RPS6KA5: variants seen among roughly 807,000 people sequenced by gnomAD.
The protein encoded by RPS6KA5 is ribosomal protein S6 kinase alpha-5.
In RPS6KA5, 27 loss-of-function variants were observed where a neutral mutation model predicts 85.5. That is an observed-to-expected ratio of 0.32 (90% CI 0.23 to 0.44). The LOEUF (loss-of-function observed/expected upper bound fraction) is 0.44. Among genes scored for constraint, RPS6KA5 ranks in the 20% least tolerant of loss-of-function variants. RPS6KA5 has a pLI of 1.00. For synonymous variants in RPS6KA5, 334 were observed against 348.2 expected, an observed-to-expected ratio of 0.96 and a Z score of 0.46; for missense variants, 811 against 980.9, an observed-to-expected ratio of 0.83 and a Z score of 2.31.
At chr14:91,021,675 A>C (rs1300102842) in intron 1 of RPS6KA5, among the ~76,000 whole-genome samples, 1 of 152,094 alleles carries the variant, frequency 6.6e-6, no homozygotes, top group Non-Finnish European at 1.5e-5. Flanking sequence ...AGCCTCCCAA[A>C]GTGCTGGGAT....
rs546431309 is a variant in RPS6KA5 at position 90,886,600 on chromosome 14, C to T, written c.1836+3887G>A. On this transcript the variant is annotated intron_variant, in intron 14 of 16. Coordinates refer to ENST00000614987, the MANE Select transcript of RPS6KA5 (RefSeq NM_004755.4). ...GTGCAGACCAAGGAAAGGCTGTGTG[C>T]GGACACAACAAGCAGGTGGCCATCT... is the stretch of plus-strand genomic sequence containing the variant. 8.8e-4 allele frequency among the ~76,000 whole-genome samples: 134 copies of T among 152,260 alleles called. 1 individual carries two copies. Among genetic ancestry groups the T allele is most frequent in the African/African-American group, 3.1e-3 (129 of 41,546 alleles).
intron 14 of RPS6KA5, among the ~76,000 whole-genome samples, chr14:90,879,553 A>C (rs546891620): frequency 6.6e-6 from 1 of 152,248 alleles, no homozygotes; most frequent in African/African-American, 2.4e-5. Flanking sequence ...ACCCACTTAG[A>C]GAACTCATGC....
chr14:90,986,407 G>C (rs1185670680), intron 2 of RPS6KA5, among the ~76,000 whole-genome samples: 1 of 151,542 alleles, frequency 6.6e-6, no homozygotes. Flanking sequence ...GCCTCCAGGT[G>C]TGCTTATTTC....
At position 90,947,446 on chromosome 14, in the gene RPS6KA5, G is replaced by A. The variant is rs2037930968; in HGVS notation, c.499C>T (p.His167Tyr). Reference sequence around the variant, plus strand: ...ATGAAGAGTCTTACCTTGTGGAGATGTTCGAGGGCAAGCACAATCTCTCCA... The same window carrying A: ...ATGAAGAGTCTTACCTTGTGGAGATATTCGAGGGCAAGCACAATCTCTCCA... ...YVGEIVLALE[H>Y]LHKLGIIYRD... Residue 167 changes from histidine (H) to tyrosine (Y), a missense_variant, in exon 4 of 17, where the codon CAT becomes TAT. Around this residue, in one of 3 missense-constraint regions of RPS6KA5, gnomAD observed 650 missense variants for 793.4 expected, o/e 0.82. Coordinates refer to ENST00000614987, the MANE Select transcript of RPS6KA5 (RefSeq NM_004755.4). 2 of 1,597,992 alleles carry A rather than the reference G, an allele frequency of 1.3e-6. No individual in the cohort carries two copies. The highest frequency in any genetic ancestry group is 1.7e-6 in the Non-Finnish European group (2 of 1,165,518).
chr14:90,929,774 C>CG (rs901097157), intron 5 of RPS6KA5, among the ~76,000 whole-genome samples: 12 of 151,818 alleles, frequency 7.9e-5, no homozygotes, highest in Admixed American at 1.3e-4. Flanking sequence ...AGAGGGAGGA[C>CG]GAAGGTCGGG....
chr14:91,026,751 G>A (rs1595502483), intron 1 of RPS6KA5, among the ~76,000 whole-genome samples: 1 of 152,180 alleles, frequency 6.6e-6, no homozygotes, highest in Admixed American at 6.5e-5. Context: ...CATCAATAGT[G>A]TGTAAGTGTT....
At chr14:91,002,986 C>T (rs751870322) in intron 1 of RPS6KA5, among the ~76,000 whole-genome samples, 24 of 152,190 alleles carry the variant, frequency 1.6e-4, no homozygotes, top group African/African-American at 4.8e-4. Context: ...CTAAAATAAA[C>T]GATGGCTTAT....
intron 9 of RPS6KA5, 63 bp downstream of exon 9, chr14:90,902,743 GAA>G: frequency 6.9e-7 from 1 of 1,455,916 alleles, no homozygotes; most frequent in Non-Finnish European, 9.3e-7. Context: ...TTCAATATGG[GAA>G]ATTTAATCTT....
intron 1 of RPS6KA5, among the ~76,000 whole-genome samples, chr14:91,056,477 A>G (rs1297360128): frequency 1.3e-5 from 2 of 152,188 alleles, no homozygotes; most frequent in African/African-American, 4.8e-5. Context: ...CTTGCAGTCT[A>G]TCAACAGCAT....
chr14:90,898,215 T>C (rs1595155838), intron 12 of RPS6KA5, among the ~76,000 whole-genome samples: 1 of 152,338 alleles, frequency 6.6e-6, no homozygotes, highest in Admixed American at 6.5e-5. Context: ...GTTACTTAAC[T>C]TCTATGAGTG....
chr14:90,868,595 C>A lies in RPS6KA5; in HGVS notation c.*3479G>T, dbSNP rs574757523. On this transcript the variant is annotated 3_prime_UTR_variant, in exon 17 of 17. Coordinates refer to ENST00000614987, the MANE Select transcript of RPS6KA5 (RefSeq NM_004755.4). ...CTATTATTATCAGTCACTGGGAGAA[C>A]AGCCAAAGTAATCAGGCAGTCTAAG... 2.0e-5 allele frequency: 3 copies of A among 152,120 alleles called. No homozygotes were observed. Among genetic ancestry groups the A allele is most frequent in the Non-Finnish European group, 4.4e-5 (3 of 68,040 alleles). The allele number at this position is 152,120 out of a possible 1,614,324, so 9.4% of individuals were successfully genotyped here.
intron 5 of RPS6KA5, among the ~76,000 whole-genome samples, chr14:90,926,738 C>T (rs970014991): frequency 6.6e-6 from 1 of 150,978 alleles, no homozygotes; most frequent in African/African-American, 2.4e-5. Flanking sequence ...TTATACCCAG[C>T]AGCTAAGTTA....
chr14:90,875,306 A>G lies in RPS6KA5; in HGVS notation c.1891T>C (p.Cys631Arg), dbSNP rs1362709766. The G allele has an allele frequency of 5.0e-6, 8 of 1,613,972 alleles. No individual in the cohort carries two copies. Among genetic ancestry groups the G allele is most frequent in the Non-Finnish European group, 6.8e-6 (8 of 1,179,886 alleles). Residue 631 changes from cysteine to arginine, a missense_variant, in exon 15 of 17, where the codon TGT (cysteine) becomes CGT (arginine). By Grantham distance (180) the Cys-to-Arg change is radical. Transcript: ENST00000614987. The part of the protein sequence containing the change: ...PFQSHDRSLT[C>R]TSAVEIMKKI... ...TTCATGATTTCCACCGCGCTGGTAC[A>G]CGTCAAACTTCGGTCATGAGATTGG...
intron 5 of RPS6KA5, among the ~76,000 whole-genome samples, chr14:90,938,494 C>T (rs1008462676): frequency 3.3e-5 from 5 of 152,228 alleles, no homozygotes; most frequent in Non-Finnish European, 7.3e-5. Flanking sequence ...CGTCACATTT[C>T]CCTTCTGCAC....
At chr14:90,944,432 ACAG>A (rs2037759124) in intron 4 of RPS6KA5, among the ~76,000 whole-genome samples, 1 of 151,676 alleles carries the variant, frequency 6.6e-6, no homozygotes, top group Non-Finnish European at 1.5e-5. Flanking sequence ...CCTGGGCAAC[ACAG>A]TGAGACCCAT....
chr14:90,950,357 C>G (rs976205639), intron 3 of RPS6KA5, among the ~76,000 whole-genome samples: 1 of 152,252 alleles, frequency 6.6e-6, no homozygotes, highest in East Asian at 1.9e-4. Flanking sequence ...TATAAGATGT[C>G]ATCTTTAGAT....
intron 5 of RPS6KA5, among the ~76,000 whole-genome samples, chr14:90,925,776 T>A (rs201227061): frequency 0.023 from 3,136 of 134,056 alleles, 126 homozygotes; most frequent in South Asian, 0.14. Context: ...ACAAAAAAAT[T>A]AAAAAAAAAA....
chr14:91,048,729 A>T (rs1040687853), intron 1 of RPS6KA5, among the ~76,000 whole-genome samples: 2 of 152,220 alleles, frequency 1.3e-5, no homozygotes, highest in Admixed American at 1.3e-4. Context: ...GTGCACAGAG[A>T]GATCTGTAAA....
At chr14:90,959,335 G>A (rs1187057402) in intron 3 of RPS6KA5, among the ~76,000 whole-genome samples, 2 of 152,226 alleles carry the variant, frequency 1.3e-5, no homozygotes. Context: ...GAGTAGGATA[G>A]TAGTGTGATA....
Sources: allele counts gnomAD v4.1 joint callset (sites outside exome capture counted in the v4.1 genomes callset), GRCh38; gene constraint gnomAD v4.1.1; regional missense constraint gnomAD v4.1.1; transcripts MANE v1.5; gene names NCBI Gene and HGNC (gene_info 2026-07-23, HGNC 2026-07-21).